The following SRGAP2C variants were observed in gnomAD, a reference collection of about 807,000 sequenced individuals.
The protein encoded by SRGAP2C is SLIT-ROBO Rho GTPase-activating protein 2C.
Under a neutral mutation model 25.1 loss-of-function variants are expected in SRGAP2C, and 15 were observed. The observed-to-expected ratio is 0.60, with a 90% CI of 0.40 to 0.92. The LOEUF is 0.92. Ranked by LOEUF, SRGAP2C falls within the 40% of genes least tolerant of loss-of-function variation. SRGAP2C has a pLI of 0.00. For synonymous variants in SRGAP2C, 44 were observed against 96.6 expected (o/e 0.46, Z 3.19); for missense variants, 144 against 264.4 (o/e 0.54, Z 3.16).
At chr1:121,350,437 A>G (rs1553345401) in intron 4 of SRGAP2C, among the ~76,000 whole-genome samples, 1 of 149,920 alleles carries the variant, frequency 6.7e-6, no homozygotes, top group Non-Finnish European at 1.5e-5. Flanking sequence ...TAGGCCTATG[A>G]GGAAATAAGA....
intron 2 of SRGAP2C, among the ~76,000 whole-genome samples, chr1:121,279,679 A>G (rs1181172624): frequency 3.5e-5 from 5 of 142,596 alleles, no homozygotes; most frequent in African/African-American, 1.3e-4. Flanking sequence ...AGGAGGCAGC[A>G]TTTCCCAGGG....
chr1:121,303,816 G>C, intron 3 of SRGAP2C, among the ~76,000 whole-genome samples: 1 of 151,658 alleles, frequency 6.6e-6, no homozygotes, highest in Non-Finnish European at 1.5e-5. Flanking sequence ...CCCCTTTCCT[G>C]TTCTCTGAAC....
intron 3 of SRGAP2C, among the ~76,000 whole-genome samples, chr1:121,298,154 T>C (rs1657635672): frequency 6.9e-6 from 1 of 145,276 alleles, no homozygotes. Context: ...TGTAATTGCA[T>C]GGTCAGTCCC....
At chr1:121,359,527 G>A (rs1659137835) in intron 4 of SRGAP2C, among the ~76,000 whole-genome samples, 1 of 152,102 alleles carries the variant, frequency 6.6e-6, no homozygotes, top group South Asian at 2.1e-4. Context: ...CAGCTACTTG[G>A]GAAGCTGAGG....
At chr1:121,329,339 A>T (rs1658386222) in intron 4 of SRGAP2C, among the ~76,000 whole-genome samples, 1 of 151,464 alleles carries the variant, frequency 6.6e-6, no homozygotes, top group Admixed American at 6.6e-5. Flanking sequence ...TATGTTGTAC[A>T]GAGAAGAGAA....
rs375548345 is a variant in SRGAP2C, at chr1:121,270,950, G to A, written c.68-13853G>A. On this transcript the variant is annotated intron_variant, in intron 2 of 9. Coordinates refer to ENST00000367123, the MANE Select transcript of SRGAP2C (RefSeq NM_001329984.2). ...TGGGACTACAGGCGCCCGCCACCAC[G>A]CCCAGCTACTTTTTTTGTATTTTTT... Among the ~76,000 whole-genome samples, 1,352 of 150,768 alleles carry A rather than the reference G, an allele frequency of 9.0e-3. 70 individuals carry two copies. The highest frequency in any genetic ancestry group is 0.071 in the Admixed American group (1,075 of 15,106).
At chr1:121,357,412 T>G (rs1659088351) in intron 4 of SRGAP2C, among the ~76,000 whole-genome samples, 1 of 147,954 alleles carries the variant, frequency 6.8e-6, no homozygotes, top group Admixed American at 6.8e-5. Flanking sequence ...TTAATCTATC[T>G]GGAGGAATAG....
At chr1:121,239,797 C>T in intron 2 of SRGAP2C, among the ~76,000 whole-genome samples, 1 of 152,342 alleles carries the variant, frequency 6.6e-6, no homozygotes, top group Admixed American at 6.5e-5. Context: ...TGAGTAGTTT[C>T]AACAGAGAAC....
At chr1:121,263,338 C>CA (rs1220233255) in intron 2 of SRGAP2C, among the ~76,000 whole-genome samples, 4 of 140,870 alleles carry the variant, frequency 2.8e-5, no homozygotes, top group Admixed American at 1.5e-4. Flanking sequence ...AACAAACAAA[C>CA]AAAAAAAACT....
intron 2 of SRGAP2C, among the ~76,000 whole-genome samples, chr1:121,222,152 T>C (rs1553325742): frequency 6.6e-6 from 1 of 152,066 alleles, no homozygotes; most frequent in Non-Finnish European, 1.5e-5. Flanking sequence ...TGTCCTCTTT[T>C]CAGAAGTGAG....
At position 121,362,461 on chromosome 1, in the gene SRGAP2C, G is replaced by A. The variant is rs587709933; in HGVS notation, c.424-2832G>A. Among the ~76,000 whole-genome samples the A allele has an allele frequency of 3.3e-5, 5 of 152,158 alleles. No individual in the cohort carries two copies. In the South Asian group the frequency reaches 8.3e-4, roughly 25 times the overall value. ...AGTACGTGAAAGGAAACATCTGCCT[G>A]GGCTTAATTGCTGTTTTTTTTGGTT... On this transcript the variant is annotated intron_variant, in intron 4 of 9. Transcript: ENST00000367123.
intron 3 of SRGAP2C, among the ~76,000 whole-genome samples, chr1:121,314,044 C>A (rs1371929984): frequency 8.3e-5 from 10 of 119,826 alleles, no homozygotes; most frequent in Middle Eastern, 3.7e-3. Flanking sequence ...TCCATTCTCC[C>A]CATCACTTTC....
chr1:121,291,336 A>T (rs1262123114), intron 3 of SRGAP2C, among the ~76,000 whole-genome samples: 4 of 149,704 alleles, frequency 2.7e-5, no homozygotes, highest in African/African-American at 9.8e-5. Context: ...TACTTTGAAC[A>T]TTTTGGGTGT....
intron 5 of SRGAP2C, among the ~76,000 whole-genome samples, chr1:121,366,825 A>G (rs1659334752): frequency 6.6e-6 from 1 of 151,082 alleles, no homozygotes; most frequent in Non-Finnish European, 1.5e-5. Flanking sequence ...TAGTTTGGAT[A>G]ACCAACAAAC....
intron 3 of SRGAP2C, among the ~76,000 whole-genome samples, chr1:121,295,526 A>C (rs2101579752): frequency 6.6e-6 from 1 of 151,842 alleles, no homozygotes; most frequent in East Asian, 2.0e-4. Flanking sequence ...CCAGATACCC[A>C]CCCCTGTACT....
At chr1:121,238,536 G>A (rs1345162606) in intron 2 of SRGAP2C, among the ~76,000 whole-genome samples, 1 of 152,034 alleles carries the variant, frequency 6.6e-6, no homozygotes, top group African/African-American at 2.4e-5. Flanking sequence ...CACATAATTT[G>A]CATTTGTATC....
At chr1:121,265,318 TTC>T (rs1431920797) in intron 2 of SRGAP2C, among the ~76,000 whole-genome samples, 1 of 54,414 alleles carries the variant, frequency 1.8e-5, no homozygotes, top group East Asian at 4.9e-4. Flanking sequence ...GTAAAATATT[TTC>T]TTTTACATCA....
intron 2 of SRGAP2C, among the ~76,000 whole-genome samples, chr1:121,268,512 A>T (rs587649934): frequency 1.3e-5 from 2 of 149,630 alleles, no homozygotes; most frequent in African/African-American, 4.9e-5. Context: ...GGAGGCAGCA[A>T]GACCAGTTAG....
intron 3 of SRGAP2C, among the ~76,000 whole-genome samples, chr1:121,302,153 A>G (rs1342407719): frequency 6.9e-6 from 1 of 145,012 alleles, no homozygotes; most frequent in Non-Finnish European, 1.5e-5. Flanking sequence ...TGGGGTCACA[A>G]AGAGGTGTAG....
Sources: allele counts gnomAD v4.1 joint callset (sites outside exome capture counted in the v4.1 genomes callset), GRCh38; gene constraint gnomAD v4.1.1; transcripts MANE v1.5; gene names NCBI Gene and HGNC (gene_info 2026-07-23, HGNC 2026-07-21).